PCNX1: variants seen among roughly 807,000 people sequenced by gnomAD.
PCNX1 encodes pecanex 1.
PCNX1 carries 78 observed loss-of-function variants against 242.2 expected under a neutral mutation model. The ratio of observed to expected loss-of-function variants is 0.32; its 90% CI spans 0.27 to 0.39. The LOEUF (loss-of-function observed/expected upper bound fraction) is 0.39, where lower values mean the gene tolerates loss of function less well. Ranked by LOEUF, PCNX1 falls within the 10% of genes least tolerant of loss-of-function variation. The pLI, the probability that PCNX1 is intolerant of heterozygous loss-of-function variation, is 1.00. For missense variants in PCNX1, 2,581 were observed against 2,856.5 expected (o/e 0.90, Z 2.20); for synonymous variants, 1,024 against 1,032.9 (o/e 0.99, Z 0.17).
intron 1 of PCNX1, among the ~76,000 whole-genome samples, chr14:70,939,391 C>A (rs2057140766): frequency 1.3e-5 from 2 of 151,950 alleles, no homozygotes; most frequent in Non-Finnish European, 2.9e-5. Context: ...TGTTATGTAC[C>A]CAGTAGTCAT....
intron 7 of PCNX1, 93 bp downstream of exon 7, chr14:70,988,792 G>GT: frequency 7.0e-7 from 1 of 1,421,086 alleles, no homozygotes; most frequent in South Asian, 1.3e-5. Flanking sequence ...GAAGAGCTTT[G>GT]TTTTTCTTTT....
chr14:71,011,940 T>C (rs1312965999), intron 10 of PCNX1: 1 of 173,434 alleles, frequency 5.8e-6, no homozygotes, highest in Non-Finnish European at 1.2e-5. Context: ...AAAGCAAACA[T>C]GGGAAGATGA....
At position 70,953,211 on chromosome 14, in the gene PCNX1, C is replaced by G. The variant is rs999252437; in HGVS notation, c.362+6088C>G. On this transcript the variant is annotated intron_variant, in intron 2 of 35. Coordinates refer to ENST00000304743, the MANE Select transcript of PCNX1 (RefSeq NM_014982.3). ...GGAGGATCACTTGAGACCAGGAGTT[C>G]AAGAGTTCAGTGGGCTTTGATCACA... Among the ~76,000 whole-genome samples, 19 of 152,192 alleles carry G rather than the reference C, an allele frequency of 1.2e-4. No homozygotes were observed. The East Asian group carries it at 2.9e-3, about 23-fold the overall frequency.
At chr14:71,096,309 T>C (rs1331058984) in intron 30 of PCNX1, among the ~76,000 whole-genome samples, 1 of 151,668 alleles carries the variant, frequency 6.6e-6, no homozygotes, top group Non-Finnish European at 1.5e-5. Flanking sequence ...AGAGCTAGAC[T>C]CTGTCTCAAA....
intron 2 of PCNX1, among the ~76,000 whole-genome samples, chr14:70,961,976 A>G (rs1174547927): frequency 6.6e-6 from 1 of 151,412 alleles, no homozygotes; most frequent in African/African-American, 2.5e-5. Context: ...CTAATGTTGG[A>G]TTTGATGTAG....
At chr14:71,030,727 C>T (rs542890012) in intron 16 of PCNX1, among the ~76,000 whole-genome samples, 1 of 152,120 alleles carries the variant, frequency 6.6e-6, no homozygotes, top group East Asian at 1.9e-4. Flanking sequence ...TGTTTTTTCC[C>T]CATATAACCA....
rs869087088 is a variant in PCNX1, at chr14:70,976,372, C to CTT, written c.605-553_605-552dup. 2.2e-3 allele frequency among the ~76,000 whole-genome samples: 185 copies of CTT among 82,664 alleles called. 6 individuals carry two copies. The East Asian group carries it at 0.051, about 23-fold the overall frequency. The allele number at this position is 82,664 out of a possible 152,430, so 54.2% of individuals were successfully genotyped here. On this transcript the variant is annotated intron_variant, in intron 5 of 35. Transcript: ENST00000304743. ...TTTGTTGCTCTTTCTTTCTTTCTTT[C>CTT]TTTTTTTTTTTTTTTTTTGAGACAG...
In PCNX1 at chr14:71,113,720, A is replaced by G. The variant is rs536107332; in HGVS notation, c.*3785A>G. 6.6e-5 allele frequency: 10 copies of G among 152,354 alleles called. No individual in the cohort carries two copies. The highest frequency in any genetic ancestry group is 9.6e-5 in the African/African-American group (4 of 41,574). 9.4% of individuals were successfully genotyped at this position (152,354 alleles called of 1,614,324 possible). A position where few individuals can be genotyped will look rare whatever the true frequency, so the allele number is the denominator to read the frequency against. On this transcript the variant is annotated 3_prime_UTR_variant, in exon 36 of 36. Coordinates refer to ENST00000304743, the MANE Select transcript of PCNX1 (RefSeq NM_014982.3). Reference sequence around the variant, plus strand: ...AAATATGTGACTTGAGAAAAAGGTAATAATGATTTTGTCAGAATTCTTTGA... The same window carrying G: ...AAATATGTGACTTGAGAAAAAGGTAGTAATGATTTTGTCAGAATTCTTTGA...
At chr14:70,962,503 T>A (rs528584430) in intron 3 of PCNX1, among the ~76,000 whole-genome samples, 172 bp downstream of exon 3, 1 of 152,222 alleles carries the variant, frequency 6.6e-6, no homozygotes, top group Non-Finnish European at 1.5e-5. Flanking sequence ...CTTTTCACAT[T>A]GATTAATTAC....
At chr14:71,048,886 T>C (rs1246495129) in intron 22 of PCNX1, 2 of 221,090 alleles carry the variant, frequency 9.0e-6, no homozygotes, top group Non-Finnish European at 1.5e-5. Context: ...CAAAGTTTCA[T>C]TGATAGTCAA....
chr14:70,951,331 A>T (rs1264420857), intron 2 of PCNX1, among the ~76,000 whole-genome samples: 1 of 151,752 alleles, frequency 6.6e-6, no homozygotes, highest in Non-Finnish European at 1.5e-5. Context: ...GAGTGACTCC[A>T]GTATTTTACT....
rs2062481063 is a variant in PCNX1, at chr14:71,102,176, A to G, written c.5776A>G (p.Ile1926Val). 1 of 1,614,090 alleles carries G rather than the reference A, an allele frequency of 6.2e-7. No homozygotes were observed. The highest frequency in any genetic ancestry group is 8.5e-7 in the Non-Finnish European group (1 of 1,179,962). The change falls in exon 31 of 36, where the codon ATC becomes GTC. Residue 1926 changes from isoleucine to valine, a missense_variant. Physicochemically the swap from Ile to Val is conservative, Grantham distance 29. Coordinates refer to ENST00000304743, the MANE Select transcript of PCNX1 (RefSeq NM_014982.3). The part of the protein sequence containing the change: ...VMDDGTNEYK[I>V]IMLNRRYLSF... ...GGATGATGGCACCAATGAATATAAA[A>G]TCATCATGCTCAACAGACGCTACCT...
At chr14:71,073,884 CTT>C in intron 27 of PCNX1, 86 bp downstream of exon 27, 1 of 928,584 alleles carries the variant, frequency 1.1e-6, no homozygotes, top group Non-Finnish European at 1.5e-6. Context: ...TATGTATATA[CTT>C]TTTTTTAACG....
At chr14:71,018,534 T>A (rs950865210) in intron 11 of PCNX1, among the ~76,000 whole-genome samples, 2 of 152,134 alleles carry the variant, frequency 1.3e-5, no homozygotes, top group Non-Finnish European at 2.9e-5. Flanking sequence ...GACTGAGAGA[T>A]GGGGGAAGCG....
chr14:70,993,041 A>G (rs541162533), intron 7 of PCNX1, among the ~76,000 whole-genome samples: 100 of 152,164 alleles, frequency 6.6e-4, no homozygotes, highest in African/African-American at 2.2e-3. Context: ...TATTAGGCCT[A>G]AGTTTGATAC....
intron 28 of PCNX1, 113 bp from the exon 29 acceptor site, chr14:71,088,217 T>G: frequency 1.9e-6 from 1 of 536,698 alleles, no homozygotes. Context: ...TTTGAGGAGA[T>G]AGAAATTATG....
chr14:70,977,172 C>T lies in PCNX1; in HGVS notation c.835C>T (p.Arg279Trp), dbSNP rs755780733. 32 of 1,614,074 alleles carry T rather than the reference C, an allele frequency of 2.0e-5. No homozygotes were observed. The highest frequency in any genetic ancestry group is 1.6e-4 in the Middle Eastern group (1 of 6,084). ...LHSHSYRKDH[R>W]PRGVPRTSSS... ...CTCACACTCTTATAGAAAAGACCAC[C>T]GGCCGCGAGGTGTACCACGGACTTC... is the stretch of plus-strand genomic sequence containing the variant. The change falls in exon 6 of 36, where the codon CGG (arginine) becomes TGG (tryptophan). Residue 279 changes from arginine (R) to tryptophan (W), a missense_variant. Arg to Trp is a moderately radical substitution (Grantham distance 101). Coordinates refer to ENST00000304743, the MANE Select transcript of PCNX1 (RefSeq NM_014982.3).
intron 27 of PCNX1, among the ~76,000 whole-genome samples, chr14:71,075,213 A>G (rs866176717): frequency 6.6e-6 from 1 of 151,724 alleles, no homozygotes; most frequent in South Asian, 2.1e-4. Context: ...CAGGCTCTCA[A>G]ACTCTGGGCT....
intron 6 of PCNX1, among the ~76,000 whole-genome samples, chr14:70,979,349 AT>A (rs1171234916): frequency 6.6e-6 from 1 of 152,010 alleles, no homozygotes; most frequent in Non-Finnish European, 1.5e-5. Flanking sequence ...TAGCTTATTT[AT>A]TTCAGGTTTT....
Sources: gnomAD v4.1 joint callset for allele counts (sites outside exome capture counted in the v4.1 genomes callset) on GRCh38, gnomAD v4.1.1 for gene constraint, MANE v1.5 for transcripts, NCBI Gene and HGNC (gene_info 2026-07-23, HGNC 2026-07-21) for gene names.